Variants in MED12 observed in about 807,000 individuals in gnomAD.
MED12 encodes mediator of RNA polymerase II transcription subunit 12.
A neutral mutation model predicts 177.7 loss-of-function variants in MED12; 10 were observed. That is an observed-to-expected ratio of 0.06 (90% CI 0.03 to 0.10). The LOEUF (loss-of-function observed/expected upper bound fraction) is 0.10. Ranked by LOEUF, MED12 falls within the 10% of genes least tolerant of loss-of-function variation. The pLI, the probability that MED12 is intolerant of heterozygous loss-of-function variation, is 1.00. For synonymous variants in MED12, 641 were observed against 678.4 expected (o/e 0.94, Z 0.86); for missense variants, 867 against 1,780.8 (o/e 0.49, Z 9.23).
Position 71,130,195 on chromosome X carries a change from G to T in MED12, c.4028G>T (p.Arg1343Leu). ...GATGGGGAAAACCCCCAGCGGCAGC[G>T]CATAAAGCGCATTCTCCAGGTAGGC... ...NEDGENPQRQ[R>L]IKRILQNLDQ... Residue 1343 changes from arginine to leucine, a missense_variant, in exon 28 of 45, where the codon CGC becomes CTC. Coordinates refer to ENST00000374080, the MANE Select transcript of MED12 (RefSeq NM_005120.3). The T allele has an allele frequency of 8.3e-7, 1 of 1,206,107 alleles. No individual in the cohort carries two copies. The highest frequency in any genetic ancestry group is 1.1e-6 in the Non-Finnish European group (1 of 892,667).
intron 11 of MED12, 76 bp from the exon 12 acceptor site, chrX:71,123,518 T>C: frequency 9.8e-6 from 11 of 1,126,031 alleles, no homozygotes; most frequent in Non-Finnish European, 1.3e-5. Flanking sequence ...AAGCAGGTGG[T>C]AGTTTAAGGC....
At chrX:71,127,645 T>C (rs2092306610) in intron 21 of MED12, 178 bp downstream of exon 21, 2 of 492,058 alleles carry the variant, frequency 4.1e-6, no homozygotes, top group Non-Finnish European at 6.9e-6. Flanking sequence ...TCAGCAGGCT[T>C]GCTCCCCGCC....
chrX:71,141,466 A>T, intron 43 of MED12, 96 bp downstream of exon 43: 1 of 1,071,528 alleles, frequency 9.3e-7, no homozygotes, highest in Admixed American at 2.6e-5. Context: ...AATAGGGTAG[A>T]GGTGGGAGGC....
At chrX:71,126,542 G>T in intron 19 of MED12, 58 bp downstream of exon 19, 15 of 1,181,575 alleles carry the variant, frequency 1.3e-5, no homozygotes, top group Admixed American at 2.2e-5. Flanking sequence ...TAGCGGCTAC[G>T]GAGGGTCATA....
rs1213131764 is a variant in MED12 at position 71,141,885 on chromosome X, C to T, written c.6411C>T (p.Phe2137=). 2.5e-6 allele frequency: 3 copies of T among 1,208,266 alleles called. No homozygotes were observed. The South Asian group carries it at 5.3e-5, about 21-fold the overall frequency. Reference sequence around the variant, plus strand: ...TTCCACTTCCTATTTCCACCCAGTTCCAGCGCCAGGGGCTTCAGCAGACCC... The same window carrying T: ...TTCCACTTCCTATTTCCACCCAGTTTCAGCGCCAGGGGCTTCAGCAGACCC... ...PQPQPQSQPQ[F]QRQGLQQTQQ... is the part of the protein sequence containing the mutation. Residue 2137 remains phenylalanine (F), a splice_region_variant and synonymous_variant, in exon 44 of 45, where the codon TTC becomes TTT. Coordinates refer to ENST00000374080, the MANE Select transcript of MED12 (RefSeq NM_005120.3).
chrX:71,141,878 C>A lies in MED12; in HGVS notation c.6409-5C>A. Reference sequence around the variant, plus strand: ...TTCAGTCTTCCACTTCCTATTTCCACCCAGTTCCAGCGCCAGGGGCTTCAG... The same window carrying A: ...TTCAGTCTTCCACTTCCTATTTCCAACCAGTTCCAGCGCCAGGGGCTTCAG... On this transcript the variant is annotated splice_polypyrimidine_tract_variant and splice_region_variant and intron_variant, in intron 43 of 44. Transcript: ENST00000374080. 8.3e-7 allele frequency: 1 copy of A among 1,209,803 alleles called. No individual in the cohort carries two copies. Among genetic ancestry groups the A allele is most frequent in the South Asian group, 1.8e-5 (1 of 56,892 alleles).
intron 12 of MED12, 95 bp from the exon 13 acceptor site, chrX:71,124,064 G>T: frequency 1.3e-6 from 1 of 746,945 alleles, no homozygotes; most frequent in Non-Finnish European, 2.1e-6. Context: ...ATTTCTATTT[G>T]ATCACTCTTA....
chrX:71,141,443 G>A (rs746663967), intron 43 of MED12, 73 bp downstream of exon 43: 2 of 1,131,204 alleles, frequency 1.8e-6, no homozygotes, highest in Non-Finnish European at 2.4e-6. Context: ...GAACTGGGTT[G>A]GGGACAGTAT....
At chrX:71,136,788 G>T in intron 37 of MED12, 91 bp from the exon 38 acceptor site, 1 of 1,188,408 alleles carries the variant, frequency 8.4e-7, no homozygotes, top group Non-Finnish European at 1.1e-6. Flanking sequence ...AACCATATAC[G>T]AATTCAGCTC....
intron 14 of MED12, 65 bp from the exon 15 acceptor site, chrX:71,124,911 A>T: frequency 1.7e-6 from 2 of 1,183,441 alleles, no homozygotes; most frequent in Non-Finnish European, 2.3e-6. Flanking sequence ...TGCTTTTGGC[A>T]TGTTTTTTTG....
chrX:71,138,581 T>A (rs1431878789), intron 41 of MED12, among the ~76,000 whole-genome samples: 7 of 108,935 alleles, frequency 6.4e-5, no homozygotes, highest in African/African-American at 2.3e-4. Context: ...AAAAAAAAAT[T>A]TTTTTTTAAT....
At chrX:71,129,996 C>T in intron 27 of MED12, 39 bp from the exon 28 acceptor site, 1 of 1,194,904 alleles carries the variant, frequency 8.4e-7, no homozygotes, top group East Asian at 3.0e-5. Context: ...CTAACCCCCT[C>T]ACTGGTTGTT....
rs747985405 is a variant in MED12, at chrX:71,124,341, G to T, written c.1927G>T (p.Asp643Tyr). The T allele has an allele frequency of 8.3e-7, 1 of 1,210,267 alleles. No individual in the cohort carries two copies. The highest frequency in any genetic ancestry group is 1.1e-6 in the Non-Finnish European group (1 of 894,671). ...CTCTCCCTTTGATGATCCTGCCGAT[G>T]ACCCAGAGCACAAGGAGGCTGAAGG... ...PPSPFDDPAD[D>Y]PEHKEAEGSS... The change falls in exon 13 of 45, where the codon GAC becomes TAC. Residue 643 changes from aspartate to tyrosine, a missense_variant. Physicochemically the swap from Asp to Tyr is radical, Grantham distance 160. Around this residue, in one of 14 missense-constraint regions of MED12, gnomAD observed 309 missense variants for 556.3 expected, o/e 0.56. Coordinates refer to ENST00000374080, the MANE Select transcript of MED12 (RefSeq NM_005120.3).
At chrX:71,129,922 T>C in intron 27 of MED12, 67 bp downstream of exon 27, 3 of 1,184,536 alleles carry the variant, frequency 2.5e-6, no homozygotes, top group Non-Finnish European at 3.4e-6. Flanking sequence ...TTCCAGCCCA[T>C]GATCACACCA....
Position 71,137,181 on chromosome X carries a change from T to C in MED12, c.5552-6T>C, listed in dbSNP as rs2092334720. Reference sequence around the variant, plus strand: ...AGCCTAGAGGTCAGCCCACTCTCCTTTTCAGGTGGCCCTCGTGTGGACCCA... The same window carrying C: ...AGCCTAGAGGTCAGCCCACTCTCCTCTTCAGGTGGCCCTCGTGTGGACCCA... On this transcript the variant is annotated splice_polypyrimidine_tract_variant and splice_region_variant and intron_variant, in intron 38 of 44. Transcript: ENST00000374080. 1 of 1,211,239 alleles carries C rather than the reference T, an allele frequency of 8.3e-7. No individual in the cohort carries two copies. The highest frequency in any genetic ancestry group is 3.0e-5 in the East Asian group (1 of 33,838).
At position 71,119,648 on chromosome X, in the gene MED12, C is replaced by T. The variant is rs12850852; in HGVS notation, c.205-38C>T. 336,085 of 1,195,049 alleles carry T rather than the reference C, an allele frequency of 0.28. 36,042 individuals carry two copies. The highest frequency in any genetic ancestry group is 0.41 in the Middle Eastern group (1,763 of 4,289). On this transcript the variant is annotated intron_variant, in intron 2 of 44. Coordinates refer to ENST00000374080, the MANE Select transcript of MED12 (RefSeq NM_005120.3). ...CAAAAGGCAGGACCACCTGTCTGCCCCTTCTTCCCACCCTGAGGTACACTT... is the reference window on the plus strand; with the variant it reads ...CAAAAGGCAGGACCACCTGTCTGCCTCTTCTTCCCACCCTGAGGTACACTT...
At chrX:71,126,862 A>G in intron 19 of MED12, 107 bp from the exon 20 acceptor site, 5 of 829,809 alleles carry the variant, frequency 6.0e-6, no homozygotes, top group Non-Finnish European at 9.0e-6. Flanking sequence ...TGGTGGCTCC[A>G]GCAGGAAGGG....
chrX:71,131,857 A>G (rs2092318279), intron 29 of MED12, among the ~76,000 whole-genome samples: 1 of 111,081 alleles, frequency 9.0e-6, no homozygotes. Context: ...TTCTCTGGCC[A>G]TAGATGTAAG....
At position 71,127,102 on chromosome X, in the gene MED12, A is replaced by G. The variant is rs1271833694; in HGVS notation, c.2819A>G (p.Asn940Ser). Residue 940 changes from asparagine to serine, a missense_variant, in exon 20 of 45, where the codon AAC becomes AGC. By Grantham distance (46) the Asn-to-Ser change is conservative. This residue lies in a region of MED12 where 70 missense variants were observed against 143.6 expected (regional missense o/e 0.49). Coordinates refer to ENST00000374080, the MANE Select transcript of MED12 (RefSeq NM_005120.3). ...CACTATCATGCCTGCCTCATCCTCA[A>G]CCAGGACCAGATGGCACAGGTCTTT... Reference protein sequence around the residue: ...LRHYHACLILNQDQMAQVFEG... With the variant: ...LRHYHACLILSQDQMAQVFEG... The G allele has an allele frequency of 1.7e-6, 2 of 1,209,959 alleles. No homozygotes were observed. The highest frequency in any genetic ancestry group is 2.2e-6 in the Non-Finnish European group (2 of 895,088).
Sources: allele counts gnomAD v4.1 joint callset (sites outside exome capture counted in the v4.1 genomes callset), GRCh38; gene constraint gnomAD v4.1.1; regional missense constraint gnomAD v4.1.1; transcripts MANE v1.5; gene names NCBI Gene and HGNC (gene_info 2026-07-23, HGNC 2026-07-21).